Variants in CCDC178 observed in about 807,000 individuals in gnomAD.
The protein encoded by CCDC178 is coiled-coil domain containing 178.
Under a neutral mutation model 117.4 loss-of-function variants are expected in CCDC178, and 126 were observed. The observed-to-expected ratio is 1.07, with a 90% CI of 0.93 to 1.24. CCDC178 has a LOEUF of 1.24. CCDC178 is among the 50% of genes most tolerant of loss of function. The probability of loss-of-function intolerance (pLI) is 0.00; values close to 1 mark genes in which losing one functional copy is unlikely to be tolerated. For missense variants in CCDC178, 1,030 were observed against 986.9 expected (o/e 1.04, Z -0.59); for synonymous variants, 283 against 313.4 (o/e 0.90, Z 1.02).
chr18:33,293,012 G>T, intron 12 of CCDC178, 147 bp downstream of exon 12: 2 of 533,232 alleles, frequency 3.8e-6, no homozygotes, highest in East Asian at 6.7e-5. Flanking sequence ...GTGGTAATTT[G>T]TTATGCAGCA....
At chr18:33,354,632 A>G (rs1336310985) in intron 7 of CCDC178, among the ~76,000 whole-genome samples, 2 of 146,158 alleles carry the variant, frequency 1.4e-5, no homozygotes, top group Non-Finnish European at 3.0e-5. Flanking sequence ...TTTTTTCCAG[A>G]CAGAGTCTCA....
At chr18:33,335,145 G>T (rs1409669346) in intron 9 of CCDC178, among the ~76,000 whole-genome samples, 1 of 151,772 alleles carries the variant, frequency 6.6e-6, no homozygotes, top group Non-Finnish European at 1.5e-5. Context: ...CCATTTTGTT[G>T]TTGGGTTTCT....
chr18:33,096,252 A>G (rs1002014901), intron 20 of CCDC178, among the ~76,000 whole-genome samples: 1 of 150,592 alleles, frequency 6.6e-6, no homozygotes, highest in Non-Finnish European at 1.5e-5. Flanking sequence ...ACTTCCAATC[A>G]GAAAACTGGT....
chr18:33,197,436 G>A (rs1048444860), intron 20 of CCDC178, among the ~76,000 whole-genome samples: 1 of 152,080 alleles, frequency 6.6e-6, no homozygotes, highest in African/African-American at 2.4e-5. Context: ...GGGCTTTCAG[G>A]ATATTTGTGT....
intron 15 of CCDC178, among the ~76,000 whole-genome samples, chr18:33,242,961 T>C (rs1289382949): frequency 6.6e-6 from 1 of 151,908 alleles, no homozygotes; most frequent in Non-Finnish European, 1.5e-5. Flanking sequence ...ATGTTTTTTT[T>C]GTGGCACTAT....
At chr18:33,033,761 T>C (rs936042920) in intron 21 of CCDC178, among the ~76,000 whole-genome samples, 6 of 152,002 alleles carry the variant, frequency 3.9e-5, no homozygotes, top group Non-Finnish European at 8.8e-5. Context: ...TCTGTCTTTA[T>C]GCAAGAATTA....
chr18:33,371,486 CAGGT>C (rs1291103461), intron 5 of CCDC178, among the ~76,000 whole-genome samples: 1 of 151,756 alleles, frequency 6.6e-6, no homozygotes, highest in African/African-American at 2.4e-5. Context: ...GTCTACGGAA[CAGGT>C]AGGTAGGAGA....
At chr18:33,157,962 T>C (rs894176034) in intron 20 of CCDC178, among the ~76,000 whole-genome samples, 1 of 152,144 alleles carries the variant, frequency 6.6e-6, no homozygotes, top group East Asian at 1.9e-4. Context: ...TAGGTGTAAC[T>C]TTTTCTTTTC....
At chr18:33,000,933 T>C (rs2055617595) in intron 21 of CCDC178, among the ~76,000 whole-genome samples, 1 of 152,240 alleles carries the variant, frequency 6.6e-6, no homozygotes, top group Non-Finnish European at 1.5e-5. Context: ...ATTATGGCAC[T>C]GTAATTGTAG....
intron 2 of CCDC178, among the ~76,000 whole-genome samples, chr18:33,429,948 C>A (rs1322505502): frequency 2.6e-5 from 4 of 152,168 alleles, no homozygotes; most frequent in African/African-American, 9.7e-5. Context: ...ATTATAGTCT[C>A]TTCCACCTAA....
At chr18:33,437,623 T>C (rs1440596303) in intron 2 of CCDC178, 1 of 152,204 alleles carries the variant, frequency 6.6e-6, no homozygotes, top group Non-Finnish European at 1.5e-5. Flanking sequence ...TAATATAAAA[T>C]AGACATATCA....
At chr18:33,394,215 GAAA>G (rs752190388) in intron 4 of CCDC178, among the ~76,000 whole-genome samples, 7 of 151,778 alleles carry the variant, frequency 4.6e-5, no homozygotes, top group Non-Finnish European at 8.8e-5. Flanking sequence ...CAATGAGGAT[GAAA>G]AAAATCTCAA....
chr18:33,420,904 C>A (rs539716810), intron 2 of CCDC178, among the ~76,000 whole-genome samples: 2 of 151,976 alleles, frequency 1.3e-5, no homozygotes, highest in African/African-American at 2.4e-5. Context: ...CTATAAATAA[C>A]CTATATAAAA....
chr18:33,123,798 GGTTTCATAAAA>G (rs2057968062), intron 20 of CCDC178, among the ~76,000 whole-genome samples: 1 of 152,028 alleles, frequency 6.6e-6, no homozygotes, highest in African/African-American at 2.4e-5. Context: ...GACCACAAAG[GGTTTCATAAAA>G]AGATTGAAGG....
chr18:33,194,702 A>G (rs539278334), intron 20 of CCDC178, among the ~76,000 whole-genome samples: 1 of 152,160 alleles, frequency 6.6e-6, no homozygotes, highest in Admixed American at 6.5e-5. Flanking sequence ...AGTTGATATG[A>G]TGATGATCTT....
At chr18:32,974,786 G>C (rs1250521001) in intron 21 of CCDC178, 105 bp from the exon 22 acceptor site, 1 of 1,118,984 alleles carries the variant, frequency 8.9e-7, no homozygotes, top group Non-Finnish European at 1.3e-6. Context: ...GCAGTCAATA[G>C]CCCATTCTGC....
At chr18:33,197,761 G>A (rs1158699441) in intron 20 of CCDC178, among the ~76,000 whole-genome samples, 2 of 152,142 alleles carry the variant, frequency 1.3e-5, no homozygotes, top group African/African-American at 4.8e-5. Context: ...AAATAATGCA[G>A]AGATTTGAAT....
chr18:33,373,533 T>G (rs1356401832), intron 5 of CCDC178, among the ~76,000 whole-genome samples: 1 of 152,188 alleles, frequency 6.6e-6, no homozygotes, highest in Non-Finnish European at 1.5e-5. Context: ...TTCTTCAAAT[T>G]ACAATTTATA....
intron 21 of CCDC178, among the ~76,000 whole-genome samples, chr18:32,987,825 C>A (rs1053760364): frequency 4.6e-5 from 7 of 152,046 alleles, no homozygotes; most frequent in African/African-American, 1.7e-4. Flanking sequence ...TGGCTGGGTG[C>A]AGTGGCTCAC....
Sources: allele counts gnomAD v4.1 joint callset (sites outside exome capture counted in the v4.1 genomes callset), GRCh38; gene constraint gnomAD v4.1.1; transcripts MANE v1.5; gene names NCBI Gene and HGNC (gene_info 2026-07-23, HGNC 2026-07-21).